The following WNT9B variants were observed in gnomAD, a reference collection of about 807,000 sequenced individuals.
WNT9B encodes the protein Wnt family member 9B.
Under a neutral mutation model 30.2 loss-of-function variants are expected in WNT9B, and 12 were observed. The observed-to-expected ratio is 0.40, with a 90% CI of 0.26 to 0.64. WNT9B has a LOEUF of 0.64. WNT9B is among the 30% of genes least tolerant of loss of function. The pLI is 0.42. For synonymous variants in WNT9B, 218 were observed against 216.9 expected, an observed-to-expected ratio of 1.01 and a Z score of -0.05; for missense variants, 442 against 485.2, an observed-to-expected ratio of 0.91 and a Z score of 0.84.
In WNT9B at chr17:46,876,304, C is replaced by T. The variant is rs367923609; in HGVS notation, c.660C>T (p.Ala220=). Residue 220 remains alanine, a synonymous_variant, in exon 4 of 4, where the codon GCC becomes GCT. Transcript: ENST00000290015. The part of the protein sequence containing the change: ...CKCHGVSGSC[A]VRTCWKQLSP... ...GCCATGGCGTATCAGGCTCCTGTGC[C>T]GTGCGCACCTGCTGGAAGCAGCTCT... 1.6e-5 allele frequency: 26 copies of T among 1,614,036 alleles called. No individual in the cohort carries two copies. The highest frequency in any genetic ancestry group is 2.2e-5 in the South Asian group (2 of 91,084).
intron 1 of WNT9B, among the ~76,000 whole-genome samples, chr17:46,854,282 C>T (rs2084903790): frequency 6.6e-6 from 1 of 151,960 alleles, no homozygotes; most frequent in South Asian, 2.1e-4. Context: ...TGGTATCAGT[C>T]ATCTACACTG....
rs1331436759 is a variant in WNT9B, at chr17:46,878,454, T to A, written c.*1736T>A. Among the ~76,000 whole-genome samples, 1 of 152,222 alleles carries A rather than the reference T, an allele frequency of 6.6e-6. No individual in the cohort carries two copies. The highest frequency in any genetic ancestry group is 2.4e-5 in the African/African-American group (1 of 41,450). On this transcript the variant is annotated 3_prime_UTR_variant, in exon 4 of 4. Coordinates refer to ENST00000290015, the MANE Select transcript of WNT9B (RefSeq NM_003396.3). Reference sequence around the variant, plus strand: ...GCTGGATGCTGGAAGGATTTTTGACTGCAGAGGCCCGGCTGAGAAGCCAAA... The same window carrying A: ...GCTGGATGCTGGAAGGATTTTTGACAGCAGAGGCCCGGCTGAGAAGCCAAA...
At chr17:46,852,274 TGAGAGCGCCA>T (rs60122955) in intron 1 of WNT9B, among the ~76,000 whole-genome samples, 29,687 of 151,646 alleles carry the variant, frequency 0.2, 3,541 homozygotes, top group East Asian at 0.49. Context: ...CCTCGGACGG[TGAGAGCGCCA>T]GCTGGAGACG....
rs2084874518 is a variant in WNT9B at position 46,852,697 on chromosome 17, C to CTTTAA, written c.77+983_77+987dup. On this transcript the variant is annotated intron_variant, in intron 1 of 3. Transcript: ENST00000290015. Reference sequence around the variant, plus strand: ...CAACTCCAATATGTACAGCCTGTTACTTTAAGCCTTGCCTCCTTTTAAAAT... The same window carrying CTTTAA: ...CAACTCCAATATGTACAGCCTGTTACTTTAATTTAAGCCTTGCCTCCTTTTAAAAT... Among the ~76,000 whole-genome samples the CTTTAA allele has an allele frequency of 2.0e-5, 3 of 152,106 alleles. No individual in the cohort carries two copies. The South Asian group carries it at 6.2e-4, about 31-fold the overall frequency.
At chr17:46,873,205 G>A (rs866827970) in intron 2 of WNT9B, among the ~76,000 whole-genome samples, 2 of 151,986 alleles carry the variant, frequency 1.3e-5, no homozygotes, top group African/African-American at 4.8e-5. Context: ...GCCAGGCGAT[G>A]CATTTGTTCA....
intron 1 of WNT9B, among the ~76,000 whole-genome samples, chr17:46,868,659 G>A (rs2085184775): frequency 6.6e-6 from 1 of 152,136 alleles, no homozygotes; most frequent in East Asian, 1.9e-4. Flanking sequence ...GGGTTCATAA[G>A]ACTAAGGAAG....
chr17:46,861,766 T>G (rs921337162), intron 1 of WNT9B, among the ~76,000 whole-genome samples: 1 of 152,220 alleles, frequency 6.6e-6, no homozygotes, highest in Admixed American at 6.5e-5. Flanking sequence ...TCCTGGAAAC[T>G]TCCAAGAGGC....
At chr17:46,883,376 C>G (rs916906260), downstream of WNT9B, among the ~76,000 whole-genome samples, 7 of 151,734 alleles carry the variant, frequency 4.6e-5, no homozygotes, top group African/African-American at 1.7e-4. Flanking sequence ...CCTCCGCCTC[C>G]CGGGTTCAAG....
At chr17:46,884,136 G>A (rs905370306), downstream of WNT9B, among the ~76,000 whole-genome samples, 12 of 152,142 alleles carry the variant, frequency 7.9e-5, no homozygotes, top group African/African-American at 1.9e-4. Context: ...GGAGAGCAAC[G>A]GTAGCCCCCC....
chr17:46,880,765 C>T (rs1459544674), downstream of WNT9B, among the ~76,000 whole-genome samples: 2 of 151,964 alleles, frequency 1.3e-5, no homozygotes, highest in Admixed American at 1.3e-4. Context: ...AGGGATGGAT[C>T]GCCCCATTTT....
downstream of WNT9B, among the ~76,000 whole-genome samples, chr17:46,881,848 T>C (rs1268815248): frequency 2.6e-5 from 4 of 152,230 alleles, no homozygotes; most frequent in Non-Finnish European, 5.9e-5. Flanking sequence ...GACACTTACA[T>C]ACTTTATCAT....
intron 2 of WNT9B, 111 bp downstream of exon 2, chr17:46,872,884 A>G (rs1033452147): frequency 5.7e-5 from 74 of 1,307,988 alleles, no homozygotes; most frequent in Non-Finnish European, 7.3e-5. Flanking sequence ...CCCAGGCCAC[A>G]CTGCCCTTCC....
upstream of WNT9B, among the ~76,000 whole-genome samples, chr17:46,849,220 C>T (rs914829276): frequency 6.6e-6 from 1 of 152,244 alleles, no homozygotes; most frequent in African/African-American, 2.4e-5. Context: ...CACTCTCCAG[C>T]CACTGATGTC....
Position 46,851,731 on chromosome 17 carries a change from GC to G in WNT9B, c.77+22del, listed in dbSNP as rs1568119217. Reference sequence around the variant, plus strand: ...CCTACTTCGGGTCAGTGCCCGCCGCGCCCCCCGCCCGCTCCCCGGCCTGCCT... The same window carrying G: ...CCTACTTCGGGTCAGTGCCCGCCGCGCCCCCGCCCGCTCCCCGGCCTGCCT... On this transcript the variant is annotated intron_variant, in intron 1 of 3. Transcript: ENST00000290015. This position sits in a 1 kb window ranked among gnomAD's most constrained non-coding sequence, Gnocchi z 4.3. The G allele has an allele frequency of 1.1e-5, 14 of 1,248,670 alleles. No individual in the cohort carries two copies. The South Asian group carries it at 1.2e-4, about 11-fold the overall frequency. 77.3% of individuals were successfully genotyped at this position (1,248,670 alleles called of 1,614,324 possible).
chr17:46,856,727 A>G (rs2084945433), intron 1 of WNT9B, among the ~76,000 whole-genome samples: 1 of 152,074 alleles, frequency 6.6e-6, no homozygotes, highest in South Asian at 2.1e-4. Context: ...CAGGTGATCC[A>G]CCCACCTCAG....
chr17:46,874,898 C>T (rs2085317563), intron 2 of WNT9B: 3 of 781,074 alleles, frequency 3.8e-6, no homozygotes, highest in East Asian at 2.6e-5. Context: ...ATTTAAATGG[C>T]AACTTGCAGT....
intron 1 of WNT9B, among the ~76,000 whole-genome samples, chr17:46,835,281 G>A (rs958426762): frequency 1.3e-5 from 2 of 151,746 alleles, no homozygotes; most frequent in East Asian, 1.9e-4. Flanking sequence ...GCACAATCCC[G>A]GCTCACTGCA....
chr17:46,875,959 C>G (rs2146610483), intron 3 of WNT9B, among the ~76,000 whole-genome samples: 1 of 152,354 alleles, frequency 6.6e-6, no homozygotes, highest in South Asian at 2.1e-4. Flanking sequence ...TGTGTTCAAT[C>G]ATTGAGTTGG....
At chr17:46,866,327 C>A (rs1598854459) in intron 1 of WNT9B, among the ~76,000 whole-genome samples, 2 of 152,022 alleles carry the variant, frequency 1.3e-5, no homozygotes, top group Non-Finnish European at 2.9e-5. Context: ...GAGCGGAGAG[C>A]ACAGGAGGGG....
Sources: allele counts gnomAD v4.1 joint callset (sites outside exome capture counted in the v4.1 genomes callset), GRCh38; gene constraint gnomAD v4.1.1; non-coding constraint Gnocchi (gnomAD v3.1); transcripts MANE v1.5; gene names NCBI Gene and HGNC (gene_info 2026-07-23, HGNC 2026-07-21).